Variants in ALG13 observed in about 807,000 individuals in gnomAD.
ALG13 encodes UDP-N-acetylglucosamine transferase subunit ALG13.
ALG13 carries 11 observed loss-of-function variants against 87.8 expected under a neutral mutation model. The observed-to-expected ratio is 0.13, with a 90% CI of 0.08 to 0.21. The LOEUF (loss-of-function observed/expected upper bound fraction) is 0.21. Among genes scored for constraint, ALG13 ranks in the 10% least tolerant of loss-of-function variants. The probability of loss-of-function intolerance (pLI) is 1.00; values close to 1 mark genes in which losing one functional copy is unlikely to be tolerated. For missense variants in ALG13, 756 were observed against 866.1 expected (o/e 0.87, Z 1.60); for synonymous variants, 320 against 306.3 (o/e 1.04, Z -0.47).
rs182203988 is a variant in ALG13 at position 111,714,486 on chromosome X, T to C, written c.1005+1189T>C. ...ACAGAGGCATAGAAGCAAGAGACCC[T>C]TTGGGAGTTAAGTAGTTGGATGTGA... is the stretch of plus-strand genomic sequence containing the variant. On this transcript the variant is annotated intron_variant, in intron 8 of 26. Coordinates refer to ENST00000394780, the MANE Select transcript of ALG13 (RefSeq NM_001099922.3). Among the ~76,000 whole-genome samples the C allele has an allele frequency of 5.4e-5, 6 of 110,581 alleles. 1 individual carries two copies. In the South Asian group the frequency reaches 1.2e-3, roughly 22 times the overall value.
chrX:111,686,397 T>C (rs1308481321), intron 3 of ALG13, among the ~76,000 whole-genome samples: 2 of 112,554 alleles, frequency 1.8e-5, no homozygotes, highest in East Asian at 2.8e-4. Flanking sequence ...TAAATACTTA[T>C]TCATTCATTA....
chrX:111,752,852 C>A (rs771547381), intron 25 of ALG13, 22 bp downstream of exon 25: 1 of 1,149,497 alleles, frequency 8.7e-7, no homozygotes, highest in Admixed American at 2.3e-5. Flanking sequence ...GTTAAAATTT[C>A]TTTGATAAGC....
chrX:111,709,607 T>A (rs1939373790), intron 5 of ALG13, among the ~76,000 whole-genome samples: 1 of 111,653 alleles, frequency 9.0e-6, no homozygotes, highest in Non-Finnish European at 1.9e-5. Context: ...TAACTTTAGG[T>A]AAAACAACTT....
At chrX:111,695,604 A>G (rs986461937) in intron 3 of ALG13, among the ~76,000 whole-genome samples, 9 of 111,866 alleles carry the variant, frequency 8.0e-5, no homozygotes, top group African/African-American at 2.9e-4. Context: ...TCCTTTAAAA[A>G]AAAATCTGTA....
rs756963716 is a variant in ALG13, at chrX:111,749,851, T to G, written c.2933-2939T>G. Among the ~76,000 whole-genome samples, 3 of 111,908 alleles carry G rather than the reference T, an allele frequency of 2.7e-5. No homozygotes were observed. The South Asian group carries it at 1.1e-3, about 42-fold the overall frequency. ...TTAAAAATCTGTGTTTCACAGAGTGTTTTTAAAAAATATCCACTGCCTCTT... is the reference window on the plus strand; with the variant it reads ...TTAAAAATCTGTGTTTCACAGAGTGGTTTTAAAAAATATCCACTGCCTCTT... On this transcript the variant is annotated intron_variant, in intron 24 of 26. Transcript: ENST00000394780.
chrX:111,715,488 T>C (rs1267336536), intron 8 of ALG13, among the ~76,000 whole-genome samples: 4 of 111,600 alleles, frequency 3.6e-5, no homozygotes, highest in Non-Finnish European at 7.5e-5. Context: ...GAGGTCGAGG[T>C]GGGTGGATCA....
chrX:111,691,613 G>C (rs1203457043), intron 3 of ALG13, among the ~76,000 whole-genome samples: 1 of 112,308 alleles, frequency 8.9e-6, no homozygotes, highest in East Asian at 2.8e-4. Context: ...GAGATGTTGT[G>C]GAAATTGTAA....
chrX:111,691,836 A>G (rs1936208524), intron 3 of ALG13, among the ~76,000 whole-genome samples: 1 of 112,790 alleles, frequency 8.9e-6, no homozygotes, highest in African/African-American at 3.2e-5. Context: ...TGTAGAATCC[A>G]TGTGGAGAAA....
chrX:111,734,960 C>T, intron 21 of ALG13, 91 bp from the exon 22 acceptor site: 1 of 610,658 alleles, frequency 1.6e-6, no homozygotes, highest in African/African-American at 2.3e-5. Context: ...TTTTTCAGGA[C>T]TGATCACTTT....
At chrX:111,748,393 C>T (rs933851667) in intron 24 of ALG13, among the ~76,000 whole-genome samples, 3 of 111,820 alleles carry the variant, frequency 2.7e-5, no homozygotes, top group Non-Finnish European at 1.9e-5. Context: ...CCTATGTTAT[C>T]GTCTAGGAGT....
intron 25 of ALG13, among the ~76,000 whole-genome samples, chrX:111,756,739 A>G (rs979400130): frequency 1.8e-4 from 20 of 112,018 alleles, no homozygotes; most frequent in Non-Finnish European, 1.1e-4. Context: ...CCTGACACTG[A>G]TTTCCCTGAA....
chrX:111,753,523 A>G (rs143652446), intron 25 of ALG13, among the ~76,000 whole-genome samples: 1,262 of 112,088 alleles, frequency 0.011, 8 homozygotes, highest in Non-Finnish European at 0.017. Context: ...TTTTGAAAAG[A>G]TTAACAAAAT....
At chrX:111,735,896 G>A (rs938149477) in intron 22 of ALG13, among the ~76,000 whole-genome samples, 3 of 110,384 alleles carry the variant, frequency 2.7e-5, no homozygotes, top group East Asian at 2.9e-4. Context: ...GCCCTGTACT[G>A]GGTGCTGTGG....
At chrX:111,682,453 T>G (rs1304171766) in intron 2 of ALG13, among the ~76,000 whole-genome samples, 159 bp downstream of exon 2, 1 of 112,108 alleles carries the variant, frequency 8.9e-6, no homozygotes, top group Non-Finnish European at 1.9e-5. Flanking sequence ...TCCATTAGCT[T>G]TTTATCCTGA....
At chrX:111,751,970 C>T (rs981810444) in intron 24 of ALG13, among the ~76,000 whole-genome samples, 2 of 111,537 alleles carry the variant, frequency 1.8e-5, no homozygotes, top group Admixed American at 9.5e-5. Context: ...TGCTCATTGC[C>T]CTTCTCTTTG....
At chrX:111,703,977 AGCAAC>A (rs1280412629) in intron 3 of ALG13, among the ~76,000 whole-genome samples, 1 of 112,447 alleles carries the variant, frequency 8.9e-6, no homozygotes, top group Admixed American at 9.4e-5. Context: ...CATTCCCACT[AGCAAC>A]GTATGAGAGT....
intron 24 of ALG13, among the ~76,000 whole-genome samples, chrX:111,747,599 G>T: frequency 9.0e-6 from 1 of 111,232 alleles, no homozygotes; most frequent in Non-Finnish European, 1.9e-5. Context: ...CAATTCTCCT[G>T]CCTAAGCCTC....
intron 25 of ALG13, among the ~76,000 whole-genome samples, chrX:111,756,440 A>G (rs1945263823): frequency 8.9e-6 from 1 of 111,984 alleles, no homozygotes; most frequent in African/African-American, 3.2e-5. Context: ...GCATTTTTAA[A>G]GCACTCATGT....
Position 111,736,738 on chromosome X carries a change from G to T in ALG13, c.2554G>T (p.Ala852Ser). The change falls in exon 23 of 27, where the codon GCA becomes TCA. Residue 852 changes from alanine (A) to serine (S), a missense_variant. This residue lies in a region of ALG13 where 362 missense variants were observed against 383.5 expected (regional missense o/e 0.94). Coordinates refer to ENST00000394780, the MANE Select transcript of ALG13 (RefSeq NM_001099922.3). ...GATGATGGGAAATATTGCAGCAGTT[G>T]CAGCTTCCTGTGCCAATAATGTTCC... The part of the protein sequence containing the change: ...QKMMGNIAAV[A>S]ASCANNVPAP... 1 of 1,209,734 alleles carries T rather than the reference G, an allele frequency of 8.3e-7. No individual in the cohort carries two copies. Among genetic ancestry groups the T allele is most frequent in the Non-Finnish European group, 1.1e-6 (1 of 894,527 alleles).
Sources: allele counts gnomAD v4.1 joint callset (sites outside exome capture counted in the v4.1 genomes callset), GRCh38; gene constraint gnomAD v4.1.1; regional missense constraint gnomAD v4.1.1; transcripts MANE v1.5; gene names NCBI Gene and HGNC (gene_info 2026-07-23, HGNC 2026-07-21).